Variants in UST observed in about 807,000 individuals in gnomAD.
The protein encoded by UST is uronyl 2-sulfotransferase.
Under a neutral mutation model 45.6 loss-of-function variants are expected in UST, and 21 were observed. The ratio of observed to expected loss-of-function variants is 0.46; its 90% CI spans 0.33 to 0.66. The LOEUF (loss-of-function observed/expected upper bound fraction) is 0.66, where lower values mean the gene tolerates loss of function less well. UST is among the 30% of genes least tolerant of loss of function. UST has a pLI of 0.02. For missense variants in UST, 463 were observed against 512.4 expected (o/e 0.90, Z 0.93); for synonymous variants, 215 against 200.6 (o/e 1.07, Z -0.61).
At chr6:148,757,744 TGAAA>T (rs1382649329) in intron 1 of UST, among the ~76,000 whole-genome samples, 1 of 152,222 alleles carries the variant, frequency 6.6e-6, no homozygotes, top group Non-Finnish European at 1.5e-5. Flanking sequence ...ATAATCTTGA[TGAAA>T]GAAAAATGAG....
intron 1 of UST, among the ~76,000 whole-genome samples, chr6:148,873,388 C>T (rs1290207925): frequency 6.6e-6 from 1 of 152,148 alleles, no homozygotes; most frequent in Non-Finnish European, 1.5e-5. Flanking sequence ...TGTGCTGGCT[C>T]CTTGGGTTCC....
intron 7 of UST, among the ~76,000 whole-genome samples, chr6:149,034,735 G>T (rs1776204112): frequency 6.6e-6 from 1 of 152,066 alleles, no homozygotes; most frequent in African/African-American, 2.4e-5. Flanking sequence ...CTCATGAAAG[G>T]TGCATGGGAG....
intron 7 of UST, among the ~76,000 whole-genome samples, chr6:149,035,368 T>A (rs1241638494): frequency 6.6e-6 from 1 of 152,204 alleles, no homozygotes; most frequent in Non-Finnish European, 1.5e-5. Flanking sequence ...GATTCCTTTG[T>A]ACTGTTTTGG....
chr6:148,770,248 G>A lies in UST; in HGVS notation c.247+22571G>A, dbSNP rs536988076. Among the ~76,000 whole-genome samples, 12 of 151,714 alleles carry A rather than the reference G, an allele frequency of 7.9e-5. No homozygotes were observed. The East Asian group carries it at 2.3e-3, about 29-fold the overall frequency. On this transcript the variant is annotated intron_variant, in intron 1 of 7. Transcript: ENST00000367463. ...GGGGAGCACAGAGGAGAAGAGAGAA[G>A]GAGAGGGATTCAGGGAAAAGGTGAC...
intron 5 of UST, among the ~76,000 whole-genome samples, chr6:149,014,802 G>T (rs1229177747): frequency 6.6e-6 from 1 of 152,192 alleles, no homozygotes; most frequent in African/African-American, 2.4e-5. Flanking sequence ...TCTTTCAAAT[G>T]CAGATTCCTG....
At position 148,994,782 on chromosome 6, in the gene UST, T is replaced by C. The variant is rs890396458; in HGVS notation, c.682-24357T>C. 2.0e-5 allele frequency among the ~76,000 whole-genome samples: 3 copies of C among 152,174 alleles called. No individual in the cohort carries two copies. The East Asian group carries it at 5.8e-4, about 29-fold the overall frequency. ...GCTCTTTTCCTTTTTCCCGTTTTCCTTGCCCTGCTCACTGCAGTTTCTCTT... is the reference window on the plus strand; with the variant it reads ...GCTCTTTTCCTTTTTCCCGTTTTCCCTGCCCTGCTCACTGCAGTTTCTCTT... On this transcript the variant is annotated intron_variant, in intron 5 of 7. Coordinates refer to ENST00000367463, the MANE Select transcript of UST (RefSeq NM_005715.3).
At chr6:148,995,430 T>G (rs1781435611) in intron 5 of UST, among the ~76,000 whole-genome samples, 2 of 152,200 alleles carry the variant, frequency 1.3e-5, no homozygotes, top group Admixed American at 1.3e-4. Flanking sequence ...CAAACCCAGA[T>G]CATCTGATGG....
intron 1 of UST, among the ~76,000 whole-genome samples, chr6:148,752,350 T>C (rs764976837): frequency 6.6e-6 from 1 of 152,186 alleles, no homozygotes; most frequent in Non-Finnish European, 1.5e-5. Context: ...ATCTAGGAAA[T>C]GAATGCATAA....
intron 5 of UST, among the ~76,000 whole-genome samples, chr6:148,977,238 ATATATT>A (rs548605264): frequency 5.3e-4 from 81 of 151,812 alleles, no homozygotes; most frequent in African/African-American, 2.0e-3. Context: ...ACACTATTCT[ATATATT>A]TATATATATA....
chr6:148,762,750 A>G (rs1776245387), intron 1 of UST, among the ~76,000 whole-genome samples: 1 of 150,312 alleles, frequency 6.7e-6, no homozygotes, highest in Admixed American at 6.6e-5. Flanking sequence ...GTCCATGTGT[A>G]CCCATTGTTT....
At position 148,913,423 on chromosome 6, in the gene UST, C is replaced by CTTTTTTTTTT. The variant is rs34110477; in HGVS notation, c.291+26410_291+26419dup. 9.4e-4 allele frequency among the ~76,000 whole-genome samples: 75 copies of CTTTTTTTTTT among 79,866 alleles called. 5 individuals are homozygous for CTTTTTTTTTT. Among genetic ancestry groups the CTTTTTTTTTT allele is most frequent in the East Asian group, 1.1e-3 (3 of 2,652 alleles). 52.4% of individuals were successfully genotyped at this position (79,866 alleles called of 152,430 possible). A position where few individuals can be genotyped will look rare whatever the true frequency, so the allele number is the denominator to read the frequency against. ...ACAGTCCGTATTTGGGACCAAAAAT[C>CTTTTTTTTTT]TTTTTTTTTTTTTTTTTTTTTTTTT... On this transcript the variant is annotated intron_variant, in intron 2 of 7. Coordinates refer to ENST00000367463, the MANE Select transcript of UST (RefSeq NM_005715.3).
chr6:148,813,531 G>A (rs1271334451), intron 1 of UST, among the ~76,000 whole-genome samples: 2 of 152,008 alleles, frequency 1.3e-5, no homozygotes, highest in Admixed American at 1.3e-4. Flanking sequence ...ACAGGCGCCT[G>A]CCACCGTGCC....
intron 5 of UST, among the ~76,000 whole-genome samples, chr6:149,017,429 CA>C (rs1404409866): frequency 2.0e-5 from 3 of 151,944 alleles, no homozygotes; most frequent in Non-Finnish European, 4.4e-5. Flanking sequence ...GCTAACACTT[CA>C]AAAAAGGAAT....
At chr6:148,999,279 T>A (rs1781504736) in intron 5 of UST, among the ~76,000 whole-genome samples, 1 of 152,208 alleles carries the variant, frequency 6.6e-6, no homozygotes, top group Non-Finnish European at 1.5e-5. Context: ...CAGACTTCCA[T>A]GGTGATTTGC....
chr6:148,956,630 A>G (rs889204234), intron 4 of UST, among the ~76,000 whole-genome samples: 3 of 152,232 alleles, frequency 2.0e-5, no homozygotes, highest in African/African-American at 7.2e-5. Flanking sequence ...GCAATTCTGT[A>G]GACGTCTCAG....
At chr6:148,935,776 C>T (rs1249208446) in intron 2 of UST, among the ~76,000 whole-genome samples, 2 of 152,142 alleles carry the variant, frequency 1.3e-5, no homozygotes, top group Non-Finnish European at 2.9e-5. Context: ...ATACATCCTG[C>T]CACCTTCTTC....
intron 5 of UST, among the ~76,000 whole-genome samples, chr6:148,982,457 C>T (rs1221174074): frequency 6.6e-6 from 1 of 152,062 alleles, no homozygotes; most frequent in African/African-American, 2.4e-5. Flanking sequence ...ATCCCATGGC[C>T]CTTCACCTCT....
At chr6:148,959,322 T>G (rs2114950422) in intron 4 of UST, among the ~76,000 whole-genome samples, 1 of 152,386 alleles carries the variant, frequency 6.6e-6, no homozygotes, top group African/African-American at 2.4e-5. Context: ...CTTAGCCAAG[T>G]GACCAATTCA....
intron 1 of UST, among the ~76,000 whole-genome samples, chr6:148,749,904 A>T (rs1387626512): frequency 6.6e-6 from 1 of 152,178 alleles, no homozygotes; most frequent in African/African-American, 2.4e-5. Context: ...CCCTTGGCCA[A>T]ATTTGTTCCC....
Sources: gnomAD v4.1 joint callset for allele counts (sites outside exome capture counted in the v4.1 genomes callset) on GRCh38, gnomAD v4.1.1 for gene constraint, MANE v1.5 for transcripts, NCBI Gene and HGNC (gene_info 2026-07-23, HGNC 2026-07-21) for gene names.